The following TENM2 variants were observed in gnomAD, a reference collection of about 807,000 sequenced individuals.
TENM2 encodes teneurin transmembrane protein 2, also known as teneurin-2.
Under a neutral mutation model 245.2 loss-of-function variants are expected in TENM2, and 52 were observed. That is an observed-to-expected ratio of 0.21 (90% CI 0.17 to 0.27). TENM2 has a LOEUF of 0.27. Among genes scored for constraint, TENM2 ranks in the 10% least tolerant of loss-of-function variants. The pLI, the probability that TENM2 is intolerant of heterozygous loss-of-function variation, is 1.00. For missense variants in TENM2, 3,046 were observed against 3,666.8 expected (o/e 0.83, Z 4.37); for synonymous variants, 1,363 against 1,438.9 (o/e 0.95, Z 1.19).
chr5:167,061,645 G>A, the TENM2 span, among the ~76,000 whole-genome samples: 1 of 152,074 alleles, frequency 6.6e-6, no homozygotes, highest in African/African-American at 2.4e-5. Flanking sequence ...GTAAGTGAAA[G>A]AAAAGAGTAA....
At chr5:167,241,903 G>T in the TENM2 span, among the ~76,000 whole-genome samples, 186 of 152,014 alleles carry the variant, frequency 1.2e-3, 1 homozygote, top group Non-Finnish European at 2.1e-3. Flanking sequence ...GAAGTGGATT[G>T]TTTATTTTTA....
chr5:167,719,025 G>A (rs1209693197), intron 2 of TENM2, among the ~76,000 whole-genome samples: 1 of 152,122 alleles, frequency 6.6e-6, no homozygotes, highest in Admixed American at 6.6e-5. Context: ...ACCTGATGTT[G>A]AACTCAATCC....
chr5:167,203,621 G>A, the TENM2 span, among the ~76,000 whole-genome samples: 1 of 152,240 alleles, frequency 6.6e-6, no homozygotes, highest in South Asian at 2.1e-4. Context: ...AACAATAGAG[G>A]CTCTACTTAA....
chr5:167,259,014 A>G, the TENM2 span, among the ~76,000 whole-genome samples: 1 of 152,176 alleles, frequency 6.6e-6, no homozygotes, highest in Non-Finnish European at 1.5e-5. Flanking sequence ...CAGACTTGTT[A>G]AACACAGAGT....
chr5:167,465,502 A>C (rs927682437), intron 2 of TENM2, among the ~76,000 whole-genome samples: 2 of 152,162 alleles, frequency 1.3e-5, no homozygotes, highest in African/African-American at 4.8e-5. Context: ...AGTATTATTA[A>C]TCTGATTTGA....
chr5:168,239,952 T>C (rs1391423385), intron 25 of TENM2, among the ~76,000 whole-genome samples: 2 of 152,128 alleles, frequency 1.3e-5, no homozygotes, highest in South Asian at 2.1e-4. Flanking sequence ...GCACGGTGGC[T>C]CATGTCTGTA....
intron 2 of TENM2, among the ~76,000 whole-genome samples, chr5:167,832,662 A>T (rs1299976359): frequency 6.6e-6 from 1 of 152,136 alleles, no homozygotes; most frequent in Non-Finnish European, 1.5e-5. Flanking sequence ...AAAACAGGAA[A>T]GAAGAAGAAA....
the TENM2 span, among the ~76,000 whole-genome samples, chr5:167,250,964 G>A: frequency 6.6e-6 from 1 of 152,196 alleles, no homozygotes; most frequent in African/African-American, 2.4e-5. Flanking sequence ...GTGAAATGGC[G>A]ATATATTCAG....
chr5:167,027,640 C>A, the TENM2 span, among the ~76,000 whole-genome samples: 19 of 151,566 alleles, frequency 1.3e-4, no homozygotes, highest in African/African-American at 4.6e-4. Context: ...GATCTTTTTC[C>A]TGATTATAAT....
At chr5:167,286,737 C>A (rs1346215615) in intron 1 of TENM2, among the ~76,000 whole-genome samples, 1 of 152,166 alleles carries the variant, frequency 6.6e-6, no homozygotes, top group Non-Finnish European at 1.5e-5. Context: ...AAAAGTGCAT[C>A]CTGGCTTCTG....
chr5:167,573,886 A>G (rs2127665560), intron 2 of TENM2: 1 of 152,200 alleles, frequency 6.6e-6, no homozygotes, highest in African/African-American at 2.4e-5. Context: ...GGAAAAAAAA[A>G]AAAGAAAAGA....
intron 5 of TENM2, among the ~76,000 whole-genome samples, chr5:168,037,490 A>G (rs907502269): frequency 6.6e-6 from 1 of 152,042 alleles, no homozygotes; most frequent in African/African-American, 2.4e-5. Flanking sequence ...GATATTTGTC[A>G]TAGAAACTCA....
intron 2 of TENM2, among the ~76,000 whole-genome samples, chr5:167,756,771 A>G (rs1300849322): frequency 1.3e-5 from 2 of 152,148 alleles, no homozygotes; most frequent in Non-Finnish European, 2.9e-5. Flanking sequence ...AACACATTGT[A>G]GGACAACTTA....
At chr5:167,690,191 A>T (rs1199193385) in intron 2 of TENM2, among the ~76,000 whole-genome samples, 1 of 148,298 alleles carries the variant, frequency 6.7e-6, no homozygotes, top group Non-Finnish European at 1.5e-5. Context: ...GCTGTATATG[A>T]TCACTTCCTA....
At chr5:167,354,774 T>G (rs1016957524) in intron 1 of TENM2, among the ~76,000 whole-genome samples, 1 of 152,236 alleles carries the variant, frequency 6.6e-6, no homozygotes, top group African/African-American at 2.4e-5. Flanking sequence ...TCATGTAAAG[T>G]GTTTATAAGT....
At chr5:168,235,635 C>T (rs1301086228) in intron 25 of TENM2, among the ~76,000 whole-genome samples, 2 of 152,156 alleles carry the variant, frequency 1.3e-5, no homozygotes, top group African/African-American at 4.8e-5. Context: ...GGCGAAACCC[C>T]ATCTCTACTA....
the TENM2 span, among the ~76,000 whole-genome samples, chr5:167,151,078 A>T: frequency 6.6e-6 from 1 of 152,184 alleles, no homozygotes; most frequent in Non-Finnish European, 1.5e-5. Flanking sequence ...TGAATTTAAC[A>T]TGTATTTTAT....
the TENM2 span, among the ~76,000 whole-genome samples, chr5:167,174,642 A>G: frequency 8.6e-5 from 13 of 151,918 alleles, no homozygotes; most frequent in Non-Finnish European, 1.5e-5. Context: ...TAACATATCC[A>G]CCCCTCTTCA....
At chr5:167,587,606 A>G (rs1353823308) in intron 2 of TENM2, among the ~76,000 whole-genome samples, 1 of 152,212 alleles carries the variant, frequency 6.6e-6, no homozygotes. Flanking sequence ...TTTCAAAGTG[A>G]TAGAAATTAG....
Sources: gnomAD v4.1 joint callset for allele counts (sites outside exome capture counted in the v4.1 genomes callset) on GRCh38, gnomAD v4.1.1 for gene constraint, MANE v1.5 for transcripts, NCBI Gene and HGNC (gene_info 2026-07-23, HGNC 2026-07-21) for gene names.